Variants in HNF4G observed in about 807,000 individuals in gnomAD.
The protein encoded by HNF4G is hepatocyte nuclear factor 4-gamma.
In HNF4G, 21 loss-of-function variants were observed where a neutral mutation model predicts 50.9. The observed-to-expected ratio is 0.41, with a 90% CI of 0.29 to 0.59. The LOEUF (loss-of-function observed/expected upper bound fraction) is 0.59. Among genes scored for constraint, HNF4G ranks in the 20% least tolerant of loss-of-function variants. The pLI is 0.26. For missense variants in HNF4G, 527 were observed against 559.4 expected, an observed-to-expected ratio of 0.94 and a Z score of 0.58; for synonymous variants, 198 against 185.6, an observed-to-expected ratio of 1.07 and a Z score of -0.54.
intron 1 of HNF4G, among the ~76,000 whole-genome samples, chr8:75,466,058 A>G (rs573913895): frequency 6.6e-6 from 1 of 152,264 alleles, no homozygotes; most frequent in South Asian, 2.1e-4. Flanking sequence ...TACCTTTACT[A>G]TCATTTTTAA....
intron 2 of HNF4G, among the ~76,000 whole-genome samples, chr8:75,526,689 C>T (rs1385832150): frequency 6.6e-6 from 1 of 151,626 alleles, no homozygotes; most frequent in East Asian, 1.9e-4. Context: ...CATGCCACCA[C>T]ACAAGACTAA....
intron 1 of HNF4G, among the ~76,000 whole-genome samples, chr8:75,475,029 G>A (rs1489741618): frequency 1.4e-5 from 2 of 147,628 alleles, no homozygotes; most frequent in Non-Finnish European, 3.0e-5. Context: ...TATTTTTTGA[G>A]ACGGAGTCTT....
At chr8:75,452,649 G>A (rs1443745766) in intron 1 of HNF4G, among the ~76,000 whole-genome samples, 1 of 151,300 alleles carries the variant, frequency 6.6e-6, no homozygotes, top group Non-Finnish European at 1.5e-5. Context: ...AACCCGGGAG[G>A]CGGAGCTTGC....
At chr8:75,540,999 G>A (rs1157860875) in intron 1 of HNF4G, among the ~76,000 whole-genome samples, 1 of 151,724 alleles carries the variant, frequency 6.6e-6, no homozygotes, top group Non-Finnish European at 1.5e-5. Context: ...CCTTATTAGT[G>A]GGGATTTTAA....
At chr8:75,420,111 C>T (rs536396852) in intron 1 of HNF4G, among the ~76,000 whole-genome samples, 14 of 152,102 alleles carry the variant, frequency 9.2e-5, no homozygotes, top group South Asian at 2.1e-4. Context: ...AGCCAGGAGT[C>T]TTCTTAATTT....
chr8:75,434,608 G>T (rs1811094148), intron 1 of HNF4G, among the ~76,000 whole-genome samples: 1 of 151,798 alleles, frequency 6.6e-6, no homozygotes, highest in African/African-American at 2.4e-5. Context: ...GAAAAATAGG[G>T]AGTGAAAAAC....
intron 1 of HNF4G, among the ~76,000 whole-genome samples, chr8:75,462,384 GCTA>G (rs1423619835): frequency 6.6e-6 from 1 of 152,138 alleles, no homozygotes; most frequent in Non-Finnish European, 1.5e-5. Flanking sequence ...GACCAAGATG[GCTA>G]CTAAGTGACT....
At chr8:75,429,799 T>A (rs946889651) in intron 1 of HNF4G, among the ~76,000 whole-genome samples, 1 of 152,178 alleles carries the variant, frequency 6.6e-6, no homozygotes, top group Admixed American at 6.5e-5. Context: ...CCCATAGTTA[T>A]CCTTTCCTTG....
At position 75,447,169 on chromosome 8, in the gene HNF4G, C is replaced by G. The variant is rs1422559838; in HGVS notation, c.-144+39007C>G. 4.8e-5 allele frequency among the ~76,000 whole-genome samples: 3 copies of G among 62,226 alleles called. 1 individual carries two copies. The highest frequency in any genetic ancestry group is 1.8e-4 in the African/African-American group (2 of 11,130). 40.8% of individuals were successfully genotyped at this position (62,226 alleles called of 152,430 possible). A position where few individuals can be genotyped will look rare whatever the true frequency, so the allele number is the denominator to read the frequency against. On this transcript the variant is annotated intron_variant, in intron 1 of 10. Coordinates refer to the HNF4G transcript ENST00000354370. ...TGATCTTTGACAAACCTGAGAAAAA[C>G]AAGCAATGGGGAAAGGATTCCCTAT...
At chr8:75,464,217 T>C (rs989642748) in intron 1 of HNF4G, among the ~76,000 whole-genome samples, 3 of 148,520 alleles carry the variant, frequency 2.0e-5, no homozygotes, top group African/African-American at 7.7e-5. Context: ...AAGTTCACCA[T>C]GTGAAAATGG....
At chr8:75,447,470 G>T in intron 1 of HNF4G, among the ~76,000 whole-genome samples, 1 of 140,030 alleles carries the variant, frequency 7.1e-6, no homozygotes. Context: ...CACAGCAAAA[G>T]AAACTACCAT....
At chr8:75,475,998 C>T (rs11989034) in intron 1 of HNF4G, among the ~76,000 whole-genome samples, 64,011 of 151,900 alleles carry the variant, frequency 0.42, 15,931 homozygotes, top group African/African-American at 0.7. Flanking sequence ...GTTACATGGA[C>T]ATACTGTGTA....
intron 1 of HNF4G, among the ~76,000 whole-genome samples, chr8:75,486,811 C>A (rs902681260): frequency 6.6e-6 from 1 of 151,928 alleles, no homozygotes; most frequent in African/African-American, 2.4e-5. Flanking sequence ...TGAGACCACC[C>A]GGGCAACAGA....
chr8:75,449,908 T>C (rs548916637), intron 1 of HNF4G, among the ~76,000 whole-genome samples: 28 of 152,304 alleles, frequency 1.8e-4, no homozygotes, highest in Non-Finnish European at 3.1e-4. Context: ...TTTTTAAGAG[T>C]ACAACATATT....
intron 1 of HNF4G, among the ~76,000 whole-genome samples, chr8:75,478,461 AT>A (rs1015306449): frequency 6.6e-6 from 1 of 152,026 alleles, no homozygotes. Context: ...TTTTCAAACA[AT>A]TTTTTTTCTT....
chr8:75,463,739 C>T (rs1199312473), intron 1 of HNF4G, among the ~76,000 whole-genome samples: 2 of 150,834 alleles, frequency 1.3e-5, no homozygotes, highest in Non-Finnish European at 3.0e-5. Context: ...TTTCCTATAA[C>T]CACCTCCAAC....
At chr8:75,517,488 A>G (rs932537068) in intron 2 of HNF4G, among the ~76,000 whole-genome samples, 2 of 152,138 alleles carry the variant, frequency 1.3e-5, no homozygotes, top group African/African-American at 4.8e-5. Context: ...GGGTAAATAC[A>G]CCTGTTCCAA....
chr8:75,506,795 A>G (rs1307610303), intron 2 of HNF4G, among the ~76,000 whole-genome samples: 2 of 152,182 alleles, frequency 1.3e-5, no homozygotes, highest in Non-Finnish European at 2.9e-5. Flanking sequence ...TTTGTGATAG[A>G]GTGCAAAGAC....
chr8:75,544,561 A>AT (rs908723656), intron 2 of HNF4G, among the ~76,000 whole-genome samples: 12 of 151,700 alleles, frequency 7.9e-5, no homozygotes, highest in African/African-American at 2.9e-4. Flanking sequence ...CTCATGCCAT[A>AT]TTTTTTGTCA....
Sources: gnomAD v4.1 joint callset for allele counts (sites outside exome capture counted in the v4.1 genomes callset) on GRCh38, gnomAD v4.1.1 for gene constraint, MANE v1.5 for transcripts, NCBI Gene and HGNC (gene_info 2026-07-23, HGNC 2026-07-21) for gene names.